KANSL1: variants seen among roughly 807,000 people sequenced by gnomAD.
KANSL1 encodes MLL1/MLL complex subunit KANSL1.
A neutral mutation model predicts 103.6 loss-of-function variants in KANSL1; 22 were observed. That is an observed-to-expected ratio of 0.21 (90% confidence interval 0.15 to 0.30). KANSL1 has a LOEUF of 0.30. Ranked by LOEUF, KANSL1 falls within the 10% of genes least tolerant of loss-of-function variation. The probability of loss-of-function intolerance (pLI) is 1.00; values close to 1 mark genes in which losing one functional copy is unlikely to be tolerated. For synonymous variants in KANSL1, 600 were observed against 527.6 expected, an observed-to-expected ratio of 1.14 and a Z score of -1.88; for missense variants, 1,337 against 1,399.8, an observed-to-expected ratio of 0.96 and a Z score of 0.72.
At chr17:46,184,696 A>G (rs1021831351) in intron 1 of KANSL1, among the ~76,000 whole-genome samples, 9 of 152,168 alleles carry the variant, frequency 5.9e-5, no homozygotes, top group Non-Finnish European at 1.0e-4. Flanking sequence ...TGCTCTTTCA[A>G]GTATTCCCCA....
chr17:46,113,021 G>C (rs1286282725), intron 2 of KANSL1, among the ~76,000 whole-genome samples: 1 of 152,030 alleles, frequency 6.6e-6, no homozygotes. Context: ...AGGCCCGGCC[G>C]GGACAGATAA....
intron 3 of KANSL1, among the ~76,000 whole-genome samples, chr17:46,088,006 G>C (rs1180907696): frequency 6.6e-6 from 1 of 152,182 alleles, no homozygotes; most frequent in Admixed American, 6.5e-5. Context: ...GCTGTACTAT[G>C]AAATAGCAAC....
intron 1 of KANSL1, among the ~76,000 whole-genome samples, chr17:46,213,465 TAA>T (rs1418275252): frequency 6.8e-6 from 1 of 147,208 alleles, no homozygotes; most frequent in East Asian, 2.4e-4. Flanking sequence ...CACGCCCGGC[TAA>T]TTTTTTTTTT....
chr17:46,172,129 C>T lies in KANSL1; in HGVS notation c.15G>A (p.Ala5=), dbSNP rs1464957820. 2 of 1,605,372 alleles carry T rather than the reference C, an allele frequency of 1.2e-6. No homozygotes were observed. Among genetic ancestry groups the T allele is most frequent in the Non-Finnish European group, 1.7e-6 (2 of 1,179,964 alleles). Residue 5 remains alanine (A), a synonymous_variant, in exon 2 of 15, where the codon GCG becomes GCA. Transcript: ENST00000432791. ...CAGCTGCTGCGTCAGTGAGAGCGGG[C>T]GCCATCGCAGCCATTCAGCACAGAG... MAAM[A]PALTDAAAEA...
chr17:46,133,643 A>G (rs2043977460), intron 2 of KANSL1, among the ~76,000 whole-genome samples: 1 of 152,240 alleles, frequency 6.6e-6, no homozygotes, highest in Admixed American at 6.5e-5. Context: ...ATAAAAGCTC[A>G]ATGACAATAA....
chr17:46,197,930 A>C (rs537440186), upstream of KANSL1, among the ~76,000 whole-genome samples: 2 of 152,366 alleles, frequency 1.3e-5, no homozygotes, highest in East Asian at 3.9e-4. Context: ...TCGTATGTCC[A>C]AACTAATCTC....
chr17:46,069,670 A>C (rs2146687027), intron 4 of KANSL1, among the ~76,000 whole-genome samples: 1 of 152,272 alleles, frequency 6.6e-6, no homozygotes, highest in African/African-American at 2.4e-5. Flanking sequence ...ACTTGAACCC[A>C]GGAAGTGGAG....
intron 3 of KANSL1, among the ~76,000 whole-genome samples, chr17:46,085,881 G>A (rs1407458416): frequency 1.3e-5 from 2 of 152,052 alleles, no homozygotes; most frequent in Non-Finnish European, 2.9e-5. Context: ...ACCTGCCTCG[G>A]CCTCTCAAAG....
intron 1 of KANSL1, among the ~76,000 whole-genome samples, chr17:46,190,093 T>C (rs1222270618): frequency 6.6e-6 from 1 of 152,180 alleles, no homozygotes; most frequent in African/African-American, 2.4e-5. Context: ...CTTATTCACT[T>C]TAAAATGCAA....
chr17:46,113,008 A>G (rs948642529), intron 2 of KANSL1, among the ~76,000 whole-genome samples: 4 of 152,212 alleles, frequency 2.6e-5, no homozygotes, highest in African/African-American at 7.2e-5. Flanking sequence ...GGCGTGAGCC[A>G]CCAGGCCCGG....
At chr17:46,201,012 A>G (rs1284488646) in intron 1 of KANSL1, among the ~76,000 whole-genome samples, 4 of 152,064 alleles carry the variant, frequency 2.6e-5, no homozygotes, top group Admixed American at 2.6e-4. Flanking sequence ...CCTGGGTTCA[A>G]GCGATTCTCC....
chr17:46,068,108 A>G (rs1360197488), intron 4 of KANSL1, among the ~76,000 whole-genome samples: 1 of 152,166 alleles, frequency 6.6e-6, no homozygotes, highest in Non-Finnish European at 1.5e-5. Context: ...AAGCTTAGCA[A>G]AACAATTACA....
chr17:46,084,928 C>T (rs547287522), intron 3 of KANSL1, among the ~76,000 whole-genome samples: 21 of 152,118 alleles, frequency 1.4e-4, no homozygotes, highest in Non-Finnish European at 2.2e-4. Context: ...TTATCTTGTA[C>T]ACCACTGCCT....
chr17:46,062,110 C>A (rs55634539), intron 6 of KANSL1, among the ~76,000 whole-genome samples: 2,259 of 21,308 alleles, frequency 0.11, 28 homozygotes, highest in South Asian at 0.19. Flanking sequence ...AAAAAAAAAA[C>A]AAACAAACAA....
At chr17:46,164,112 CTGTTATCTCTTG>C (rs2045881696) in intron 2 of KANSL1, among the ~76,000 whole-genome samples, 1 of 152,198 alleles carries the variant, frequency 6.6e-6, no homozygotes, top group Non-Finnish European at 1.5e-5. Flanking sequence ...GCTTATTCAT[CTGTTATCTCTTG>C]TGTCTTACAC....
chr17:46,077,720 G>T (rs1410081199), intron 4 of KANSL1, among the ~76,000 whole-genome samples: 1 of 151,980 alleles, frequency 6.6e-6, no homozygotes, highest in Non-Finnish European at 1.5e-5. Flanking sequence ...ACCACGCTTG[G>T]ATAATTTTTG....
intron 2 of KANSL1, among the ~76,000 whole-genome samples, chr17:46,161,087 A>C (rs538798599): frequency 6.6e-6 from 1 of 152,246 alleles, no homozygotes; most frequent in East Asian, 1.9e-4. Context: ...AGAATGTCTC[A>C]ACTCTGTTGT....
Position 46,050,518 on chromosome 17 carries a change from T to C in KANSL1, c.2020+15A>G. 1 of 1,612,752 alleles carries C rather than the reference T, an allele frequency of 6.2e-7. No homozygotes were observed. Among genetic ancestry groups the C allele is most frequent in the Non-Finnish European group, 8.5e-7 (1 of 1,178,930 alleles). On this transcript the variant is annotated intron_variant, in intron 7 of 14. Coordinates refer to ENST00000432791, the MANE Select transcript of KANSL1 (RefSeq NM_015443.4). ...GTTTCTTTCATTAGACTTTCTAGTC[T>C]GTGGTCTTTCTTACCATCTGGAAAT...
intron 1 of KANSL1, chr17:46,192,347 T>A (rs1416502692): frequency 6.6e-6 from 1 of 150,850 alleles, no homozygotes; most frequent in Non-Finnish European, 1.5e-5. Flanking sequence ...AGACTACATC[T>A]GAAAACGTAA....
Sources: gnomAD v4.1 joint callset for allele counts (sites outside exome capture counted in the v4.1 genomes callset) on GRCh38, gnomAD v4.1.1 for gene constraint, MANE v1.5 for transcripts, NCBI Gene and HGNC (gene_info 2026-07-23, HGNC 2026-07-21) for gene names.